SLC35E4: variants seen among roughly 807,000 people sequenced by gnomAD.
SLC35E4 encodes the protein solute carrier family 35, member E4.
Under a neutral mutation model 19.3 loss-of-function variants are expected in SLC35E4, and 15 were observed. The ratio of observed to expected loss-of-function variants is 0.78; its 90% CI spans 0.52 to 1.20. SLC35E4 has a LOEUF of 1.20. SLC35E4 is among the 50% of genes most tolerant of loss of function. SLC35E4 has a pLI of 0.00. For synonymous variants in SLC35E4, 219 were observed against 219.9 expected (o/e 1.00, Z 0.04); for missense variants, 406 against 472.3 (o/e 0.86, Z 1.30).
downstream of SLC35E4, among the ~76,000 whole-genome samples, chr22:30,648,131 C>T (rs1222330146): frequency 1.3e-5 from 2 of 152,166 alleles, no homozygotes; most frequent in East Asian, 3.8e-4. Flanking sequence ...CACACAGACC[C>T]CTTCACCCAG....
intron 1 of SLC35E4, among the ~76,000 whole-genome samples, chr22:30,645,595 C>CAAA (rs1157239877): frequency 2.1e-4 from 17 of 82,166 alleles, no homozygotes; most frequent in Non-Finnish European, 3.4e-4. Flanking sequence ...ACTCTGTCTC[C>CAAA]AAAAAAAAAA....
At chr22:30,638,927 C>T (rs1481662804) in intron 1 of SLC35E4, among the ~76,000 whole-genome samples, 1 of 151,890 alleles carries the variant, frequency 6.6e-6, no homozygotes, top group Admixed American at 6.6e-5. Flanking sequence ...GATTACACCA[C>T]TGCACTCCAG....
At position 30,636,261 on chromosome 22, in the gene SLC35E4, C is replaced by G. The variant is rs2087943126; in HGVS notation, c.-190C>G. On this transcript the variant is annotated 5_prime_UTR_variant, in exon 1 of 2. Transcript: ENST00000343605. ...CGACCTTGGCTCTGCCCTGTCTGAG[C>G]TGGAAACACAGCTTAGCTTCTAGAC... The G allele has an allele frequency of 2.3e-6, 2 of 851,550 alleles. No homozygotes were observed. Among genetic ancestry groups the G allele is most frequent in the Admixed American group, 6.2e-5 (2 of 32,018 alleles). The allele number at this position is 851,550 out of a possible 1,614,324, so 52.7% of individuals were successfully genotyped here.
Position 30,655,459 on chromosome 22 carries a change from AAAAG to A in SLC35E4, c.*8+6209_*8+6212del, listed in dbSNP as rs1254679325. Among the ~76,000 whole-genome samples the A allele has an allele frequency of 9.3e-3, 1,418 of 151,704 alleles. 12 individuals carry two copies. Among genetic ancestry groups the A allele is most frequent in the South Asian group, 0.03 (144 of 4,808 alleles). ...AAAAAAAAAAAAAAAGAAAAAGAAA[AAAAG>A]AAGCCACTAGCCTGGCATTGCATAG... On this transcript the variant is annotated intron_variant, in intron 2 of 2. Coordinates refer to the SLC35E4 transcript ENST00000406566.
chr22:30,663,701 C>G, downstream of SLC35E4: 3 of 1,614,228 alleles, frequency 1.9e-6, no homozygotes, highest in African/African-American at 1.3e-5. Context: ...CACAGTGCAG[C>G]AAAGTACGGC....
At chr22:30,659,525 C>G (rs1173978606) in intron 2 of SLC35E4, among the ~76,000 whole-genome samples, 2 of 152,064 alleles carry the variant, frequency 1.3e-5, no homozygotes, top group Non-Finnish European at 2.9e-5. Flanking sequence ...AGGCGCCCGC[C>G]ACCACATCCA....
At chr22:30,651,374 TGTGTG>T (rs2088208569), downstream of SLC35E4, among the ~76,000 whole-genome samples, 494 of 19,042 alleles carry the variant, frequency 0.026, 6 homozygotes, top group African/African-American at 0.032. Context: ...CTAATTTTTG[TGTGTG>T]TGTGTGTGTG....
chr22:30,649,520 G>A (rs1460675238), downstream of SLC35E4, among the ~76,000 whole-genome samples: 1 of 128,922 alleles, frequency 7.8e-6, no homozygotes, highest in Admixed American at 7.8e-5. Context: ...GGCCTAGGAG[G>A]ACCGGTATGG....
intron 2 of SLC35E4, among the ~76,000 whole-genome samples, chr22:30,658,500 A>C (rs2088393041): frequency 1.3e-5 from 2 of 152,046 alleles, no homozygotes; most frequent in Admixed American, 1.3e-4. Flanking sequence ...GAAAAGTAGA[A>C]GAGGGGAATC....
At chr22:30,663,461 T>G, downstream of SLC35E4, 2 of 1,611,836 alleles carry the variant, frequency 1.2e-6, no homozygotes, top group Non-Finnish European at 1.7e-6. Flanking sequence ...TCAAACGGAC[T>G]TCCTTCTCAT....
chr22:30,651,571 C>T (rs1237342763), downstream of SLC35E4, among the ~76,000 whole-genome samples: 3 of 149,928 alleles, frequency 2.0e-5, no homozygotes, highest in Admixed American at 6.7e-5. Context: ...TGAGCCACTG[C>T]GCTTGGCCAA....
downstream of SLC35E4, among the ~76,000 whole-genome samples, chr22:30,648,442 T>C (rs931350091): frequency 3.3e-5 from 5 of 152,056 alleles, no homozygotes; most frequent in African/African-American, 1.2e-4. Flanking sequence ...AACCCAAACA[T>C]GCAACTCTTT....
At position 30,637,066 on chromosome 22, in the gene SLC35E4, C is replaced by A; in HGVS notation, c.616C>A (p.Gln206Lys). The change falls in exon 1 of 2, where the codon CAA becomes AAA. Residue 206 changes from glutamine (Q) to lysine (K), a missense_variant. Gln to Lys is a moderately conservative substitution (Grantham distance 53). Coordinates refer to ENST00000343605, the MANE Select transcript of SLC35E4 (RefSeq NM_001001479.4). ...CCTCCGCGGACTCAAGTCGGTTCAGCAAAGTAAGTGCCTGGGTGGCCAATT... is the reference window on the plus strand; with the variant it reads ...CCTCCGCGGACTCAAGTCGGTTCAGAAAAGTAAGTGCCTGGGTGGCCAATT... ...TCLRGLKSVQ[Q>K]SALLQEERLD... The A allele has an allele frequency of 6.4e-7, 1 of 1,561,070 alleles. No individual in the cohort carries two copies. Among genetic ancestry groups the A allele is most frequent in the South Asian group, 1.2e-5 (1 of 84,212 alleles).
At chr22:30,657,689 G>A (rs2088369020) in intron 2 of SLC35E4, among the ~76,000 whole-genome samples, 2 of 151,536 alleles carry the variant, frequency 1.3e-5, no homozygotes, top group Admixed American at 1.3e-4. Context: ...TGGATCACGA[G>A]GTCAGGAGAT....
chr22:30,659,518 C>T (rs1451667134), intron 2 of SLC35E4, among the ~76,000 whole-genome samples: 3 of 152,006 alleles, frequency 2.0e-5, no homozygotes, highest in Non-Finnish European at 2.9e-5. Context: ...TGATTACAGG[C>T]GCCCGCCACC....
chr22:30,664,108 G>C, downstream of SLC35E4: 1 of 1,140,214 alleles, frequency 8.8e-7, no homozygotes, highest in Admixed American at 2.4e-5. Context: ...ATGTTTAGAG[G>C]GCAGGTGCCC....
chr22:30,657,940 AATAATAATAATAATG>A (rs2145598467), intron 2 of SLC35E4, among the ~76,000 whole-genome samples: 1 of 144,534 alleles, frequency 6.9e-6, no homozygotes, highest in South Asian at 2.1e-4. Flanking sequence ...TAATAATAAT[AATAATAATAATAATG>A]ATTAGCTGGA....
intron 2 of SLC35E4, chr22:30,661,835 A>C (rs2088477786): frequency 6.6e-6 from 1 of 152,188 alleles, no homozygotes; most frequent in Admixed American, 6.5e-5. Context: ...GGATCCCAGT[A>C]GTCAGCCGGG....
intron 1 of SLC35E4, among the ~76,000 whole-genome samples, chr22:30,644,945 C>T (rs1275153646): frequency 6.6e-6 from 1 of 151,376 alleles, no homozygotes; most frequent in East Asian, 1.9e-4. Context: ...CCTCTTAGTC[C>T]TGGATTCATC....
Sources: gnomAD v4.1 joint callset for allele counts (sites outside exome capture counted in the v4.1 genomes callset) on GRCh38, gnomAD v4.1.1 for gene constraint, MANE v1.5 for transcripts, NCBI Gene and HGNC (gene_info 2026-07-23, HGNC 2026-07-21) for gene names.